The following RNLS variants were observed in gnomAD, a reference collection of about 807,000 sequenced individuals.
The protein encoded by RNLS is renalase, FAD dependent amine oxidase, also known as renalase.
A neutral mutation model predicts 39.8 loss-of-function variants in RNLS; 39 were observed. The ratio of observed to expected loss-of-function variants is 0.98; its 90% CI spans 0.76 to 1.28. The LOEUF (loss-of-function observed/expected upper bound fraction) is 1.28. RNLS is among the 50% of genes most tolerant of loss of function. The pLI, the probability that RNLS is intolerant of heterozygous loss-of-function variation, is 0.00. For synonymous variants in RNLS, 147 were observed against 150.7 expected, an observed-to-expected ratio of 0.98 and a Z score of 0.18; for missense variants, 410 against 413.3, an observed-to-expected ratio of 0.99 and a Z score of 0.07.
chr10:88,545,114 C>T (rs886837243), intron 4 of RNLS, among the ~76,000 whole-genome samples: 3 of 151,964 alleles, frequency 2.0e-5, no homozygotes, highest in Non-Finnish European at 4.4e-5. Flanking sequence ...CTCTAGAAGC[C>T]CCCTTCTTAG....
the RNLS span, among the ~76,000 whole-genome samples, chr10:88,214,519 A>C: frequency 3.3e-5 from 4 of 120,962 alleles, no homozygotes; most frequent in Non-Finnish European, 5.3e-5. Context: ...AAAAAAAAAA[A>C]AAAACTCAGT....
At chr10:88,578,556 T>C (rs1459739956) in intron 3 of RNLS, among the ~76,000 whole-genome samples, 2 of 152,058 alleles carry the variant, frequency 1.3e-5, no homozygotes, top group Admixed American at 1.3e-4. Flanking sequence ...CTCGAAGTAT[T>C]ACAAGAATAA....
the RNLS span, among the ~76,000 whole-genome samples, chr10:88,227,573 A>G: frequency 2.6e-5 from 4 of 152,208 alleles, no homozygotes; most frequent in Non-Finnish European, 5.9e-5. Flanking sequence ...TCTGTGAGGG[A>G]CCAGTGCTGG....
chr10:88,212,806 G>A, the RNLS span, among the ~76,000 whole-genome samples: 80 of 152,314 alleles, frequency 5.3e-4, 1 homozygote, highest in South Asian at 4.3e-3. Flanking sequence ...AGTGTTGGCT[G>A]TCTGTAGTTG....
intron 4 of RNLS, among the ~76,000 whole-genome samples, chr10:88,464,609 A>G (rs1462873692): frequency 3.3e-5 from 5 of 152,260 alleles, no homozygotes; most frequent in Non-Finnish European, 7.4e-5. Context: ...ACCGTCAGCA[A>G]TAAGATGTGA....
At chr10:88,361,014 G>T (rs955456931) in intron 5 of RNLS, among the ~76,000 whole-genome samples, 1 of 152,206 alleles carries the variant, frequency 6.6e-6, no homozygotes, top group African/African-American at 2.4e-5. Flanking sequence ...CAGTTCTGGA[G>T]GCTGAGAAGT....
the RNLS span, among the ~76,000 whole-genome samples, chr10:88,209,604 C>T: frequency 1.3e-5 from 2 of 152,084 alleles, no homozygotes; most frequent in Non-Finnish European, 2.9e-5. Context: ...TTGTTGAAAC[C>T]ACCCAATGTG....
intron 4 of RNLS, among the ~76,000 whole-genome samples, chr10:88,425,805 G>C (rs1250151177): frequency 6.6e-6 from 1 of 152,036 alleles, no homozygotes; most frequent in Non-Finnish European, 1.5e-5. Context: ...TTGATGTGAG[G>C]TGTGAGCTAA....
chr10:88,457,032 C>T (rs1166090613), intron 4 of RNLS, among the ~76,000 whole-genome samples: 1 of 152,210 alleles, frequency 6.6e-6, no homozygotes, highest in African/African-American at 2.4e-5. Context: ...CCCTCCTCCA[C>T]CCACATTTTT....
intron 4 of RNLS, among the ~76,000 whole-genome samples, chr10:88,483,050 C>T (rs1844290417): frequency 6.6e-6 from 1 of 151,762 alleles, no homozygotes. Flanking sequence ...ATTTTTAAAC[C>T]TGGATTCCTA....
chr10:88,533,134 G>A (rs1251393360), intron 4 of RNLS, among the ~76,000 whole-genome samples: 2 of 152,000 alleles, frequency 1.3e-5, no homozygotes, highest in Non-Finnish European at 2.9e-5. Context: ...TTAATTATAA[G>A]TAAATAAACA....
chr10:88,428,264 AAC>A (rs1854925771), intron 4 of RNLS, among the ~76,000 whole-genome samples: 1 of 151,958 alleles, frequency 6.6e-6, no homozygotes, highest in African/African-American at 2.4e-5. Context: ...CTAATAAGAA[AAC>A]ACACTTTTGC....
At chr10:88,442,799 C>T (rs1217626291) in intron 4 of RNLS, among the ~76,000 whole-genome samples, 1 of 152,180 alleles carries the variant, frequency 6.6e-6, no homozygotes, top group African/African-American at 2.4e-5. Flanking sequence ...CGCCTGCTGT[C>T]AGCAGTCACT....
intron 6 of RNLS, among the ~76,000 whole-genome samples, chr10:88,295,123 A>ATATG (rs1564669195): frequency 6.6e-6 from 1 of 152,198 alleles, no homozygotes; most frequent in African/African-American, 2.4e-5. Context: ...TCATATACAT[A>ATATG]TGAAATATAT....
chr10:88,354,984 C>A (rs142892833), intron 5 of RNLS, among the ~76,000 whole-genome samples: 7 of 152,026 alleles, frequency 4.6e-5, no homozygotes, highest in Non-Finnish European at 5.9e-5. Context: ...TCATTGATAC[C>A]CTTTCTTCCA....
the RNLS span, among the ~76,000 whole-genome samples, chr10:88,236,370 A>G: frequency 6.6e-6 from 1 of 152,254 alleles, no homozygotes; most frequent in African/African-American, 2.4e-5. Context: ...CCTGATTTAG[A>G]AAAAAGGTCA....
rs369810844 is a variant in RNLS, at chr10:88,276,012, C to T, written c.877-980G>A. ...GAGGCTGCTGTGAGCCATGATCAGG[C>T]CACTATACTCCAGCTTAGGTGACAG... is the stretch of plus-strand genomic sequence containing the variant. On this transcript the variant is annotated intron_variant, in intron 6 of 6. Transcript: ENST00000371947. Among the ~76,000 whole-genome samples the T allele has an allele frequency of 3.1e-4, 47 of 152,170 alleles. 1 individual carries two copies. In the South Asian group the frequency reaches 9.1e-3, roughly 30 times the overall value.
At chr10:88,465,509 A>G (rs917077696) in intron 4 of RNLS, among the ~76,000 whole-genome samples, 1 of 152,090 alleles carries the variant, frequency 6.6e-6, no homozygotes, top group Non-Finnish European at 1.5e-5. Context: ...GCCAGTAAAA[A>G]GAGTGAGGAG....
intron 5 of RNLS, among the ~76,000 whole-genome samples, chr10:88,326,761 C>T (rs1055362790): frequency 4.6e-5 from 7 of 152,142 alleles, no homozygotes; most frequent in Non-Finnish European, 7.4e-5. Context: ...CAGCTTGCAC[C>T]ATGCAGCTGG....
Sources: allele counts gnomAD v4.1 joint callset (sites outside exome capture counted in the v4.1 genomes callset), GRCh38; gene constraint gnomAD v4.1.1; transcripts MANE v1.5; gene names NCBI Gene and HGNC (gene_info 2026-07-23, HGNC 2026-07-21).